LHFPL6: variants seen among roughly 807,000 people sequenced by gnomAD.
The protein encoded by LHFPL6 is LHFPL tetraspan subfamily member 6.
LHFPL6 carries 9 observed loss-of-function variants against 20.6 expected under a neutral mutation model. The observed-to-expected ratio is 0.44, with a 90% CI of 0.26 to 0.76. The LOEUF (loss-of-function observed/expected upper bound fraction) is 0.76. Among genes scored for constraint, LHFPL6 ranks in the 30% least tolerant of loss-of-function variants. The probability of loss-of-function intolerance (pLI) is 0.20; values close to 1 mark genes in which losing one functional copy is unlikely to be tolerated. For missense variants in LHFPL6, 218 were observed against 253.5 expected, an observed-to-expected ratio of 0.86 and a Z score of 0.95; for synonymous variants, 105 against 98.7, an observed-to-expected ratio of 1.06 and a Z score of -0.38.
At chr13:39,371,411 C>T (rs1236261912) in intron 3 of LHFPL6, among the ~76,000 whole-genome samples, 1 of 152,202 alleles carries the variant, frequency 6.6e-6, no homozygotes, top group African/African-American at 2.4e-5. Context: ...CCCAAACTTA[C>T]TGTTGCGGAA....
chr13:39,532,402 A>G (rs1248260561), intron 2 of LHFPL6, among the ~76,000 whole-genome samples: 1 of 152,168 alleles, frequency 6.6e-6, no homozygotes, highest in Non-Finnish European at 1.5e-5. Flanking sequence ...TGGCTGTATC[A>G]CTATTTTTTC....
intron 2 of LHFPL6, among the ~76,000 whole-genome samples, chr13:39,460,584 G>A (rs938602158): frequency 7.9e-5 from 12 of 152,180 alleles, no homozygotes; most frequent in Admixed American, 1.3e-4. Context: ...CAGAACATGT[G>A]TGCATACTTA....
intron 2 of LHFPL6, among the ~76,000 whole-genome samples, chr13:39,511,830 A>G (rs1464668069): frequency 1.3e-5 from 2 of 152,224 alleles, no homozygotes; most frequent in East Asian, 3.8e-4. Context: ...TGGAGCAAAA[A>G]CAAGTACAGA....
rs555354303 is a variant in LHFPL6, at chr13:39,597,616, C to A, written c.385+3216G>T. Among the ~76,000 whole-genome samples the A allele has an allele frequency of 1.4e-4, 22 of 152,254 alleles. No individual in the cohort carries two copies. The South Asian group carries it at 3.7e-3, about 26-fold the overall frequency. ...AAAACTCAGTTGAGGGTAACTCAAC[C>A]CACACTGGTTCTTTAAAGTTAGACA... is the stretch of plus-strand genomic sequence containing the variant. On this transcript the variant is annotated intron_variant, in intron 2 of 3. Coordinates refer to ENST00000379589, the MANE Select transcript of LHFPL6 (RefSeq NM_005780.3).
chr13:39,474,633 A>G (rs549675872), intron 2 of LHFPL6, among the ~76,000 whole-genome samples: 1 of 152,324 alleles, frequency 6.6e-6, no homozygotes, highest in East Asian at 1.9e-4. Context: ...GCCATGACAC[A>G]CTAATTCTGA....
chr13:39,522,509 A>C (rs1870142157), intron 2 of LHFPL6, among the ~76,000 whole-genome samples: 1 of 152,170 alleles, frequency 6.6e-6, no homozygotes, highest in Non-Finnish European at 1.5e-5. Context: ...TGTTCCACAC[A>C]CACAGCCTGC....
intron 2 of LHFPL6, among the ~76,000 whole-genome samples, chr13:39,516,099 T>C (rs1869904698): frequency 1.3e-5 from 2 of 152,212 alleles, no homozygotes; most frequent in Non-Finnish European, 1.5e-5. Flanking sequence ...CGAGTTCCTA[T>C]TGTCTGATCC....
chr13:39,344,169 C>T, intron 3 of LHFPL6, 115 bp from the exon 4 acceptor site: 1 of 718,962 alleles, frequency 1.4e-6, no homozygotes, highest in Non-Finnish European at 2.3e-6. Context: ...ATATGGTATC[C>T]TCGCTTAAAT....
chr13:39,385,090 A>C (rs1870532368), intron 2 of LHFPL6, among the ~76,000 whole-genome samples: 1 of 152,216 alleles, frequency 6.6e-6, no homozygotes, highest in African/African-American at 2.4e-5. Context: ...AATTACAGCA[A>C]ATTAGCTCAA....
intron 2 of LHFPL6, among the ~76,000 whole-genome samples, chr13:39,526,081 G>T (rs1464488611): frequency 6.6e-6 from 1 of 152,058 alleles, no homozygotes; most frequent in African/African-American, 2.4e-5. Flanking sequence ...GTGATGGTTA[G>T]GAATAAATAC....
intron 2 of LHFPL6, among the ~76,000 whole-genome samples, chr13:39,524,729 A>G (rs1870233533): frequency 6.6e-6 from 1 of 152,214 alleles, no homozygotes; most frequent in Admixed American, 6.5e-5. Flanking sequence ...GGGGAACATG[A>G]GACAAATAGG....
At chr13:39,600,758 T>C (rs1428499669) in intron 2 of LHFPL6, 74 bp downstream of exon 2, 1 of 1,363,888 alleles carries the variant, frequency 7.3e-7, no homozygotes, top group Non-Finnish European at 9.6e-7. Flanking sequence ...ATAATCTCAG[T>C]AGACAACTGA....
chr13:39,397,866 G>A (rs758010269), intron 2 of LHFPL6, among the ~76,000 whole-genome samples: 1 of 152,104 alleles, frequency 6.6e-6, no homozygotes, highest in African/African-American at 2.4e-5. Flanking sequence ...ATTTAGAGCC[G>A]TAACTAATGA....
At chr13:39,469,234 C>A (rs1272430379) in intron 2 of LHFPL6, among the ~76,000 whole-genome samples, 1 of 152,174 alleles carries the variant, frequency 6.6e-6, no homozygotes. Flanking sequence ...GCAACACAGG[C>A]ACTGTGTGCT....
intron 3 of LHFPL6, among the ~76,000 whole-genome samples, chr13:39,354,506 C>T (rs74044035): frequency 0.011 from 1,623 of 152,292 alleles, 29 homozygotes; most frequent in African/African-American, 0.037. Context: ...TCCAAATGAC[C>T]GTACTAGCTC....
intron 2 of LHFPL6, among the ~76,000 whole-genome samples, chr13:39,488,398 G>T (rs1868795247): frequency 6.6e-6 from 1 of 152,166 alleles, no homozygotes; most frequent in Admixed American, 6.5e-5. Flanking sequence ...GTTTAAATGT[G>T]AGCTCTGCGA....
intron 2 of LHFPL6, among the ~76,000 whole-genome samples, chr13:39,557,877 T>A (rs1871356034): frequency 6.6e-6 from 1 of 152,214 alleles, no homozygotes; most frequent in Non-Finnish European, 1.5e-5. Flanking sequence ...AGTTAGTTTA[T>A]GCAAGATGTG....
At chr13:39,455,101 T>C (rs1340286187) in intron 2 of LHFPL6, among the ~76,000 whole-genome samples, 1 of 152,124 alleles carries the variant, frequency 6.6e-6, no homozygotes, top group Non-Finnish European at 1.5e-5. Flanking sequence ...ACATGGGTCA[T>C]GGGCTTCCCA....
At position 39,601,619 on chromosome 13, in the gene LHFPL6, A is replaced by G. The variant is rs149892676; in HGVS notation, c.-174-229T>C. On this transcript the variant is annotated intron_variant, in intron 1 of 3. Coordinates refer to ENST00000379589, the MANE Select transcript of LHFPL6 (RefSeq NM_005780.3). The stretch of plus-strand genomic sequence containing the variant: ...TAAATATTTCCAAATTAACTCTGAC[A>G]GCTATTTACTTAAAGAAACGCCCGA... Among the ~76,000 whole-genome samples the G allele has an allele frequency of 6.8e-4, 104 of 152,334 alleles. 1 individual carries two copies. The highest frequency in any genetic ancestry group is 2.4e-3 in the African/African-American group (100 of 41,584).
Sources: gnomAD v4.1 joint callset for allele counts (sites outside exome capture counted in the v4.1 genomes callset) on GRCh38, gnomAD v4.1.1 for gene constraint, MANE v1.5 for transcripts, NCBI Gene and HGNC (gene_info 2026-07-23, HGNC 2026-07-21) for gene names.